ZNF385D: variants seen among roughly 807,000 people sequenced by gnomAD.
ZNF385D encodes the protein zinc finger protein 659.
In ZNF385D, 15 loss-of-function variants were observed where a neutral mutation model predicts 35.8. The observed-to-expected ratio is 0.42, with a 90% CI of 0.28 to 0.64. The LOEUF is 0.64. Ranked by LOEUF, ZNF385D falls within the 30% of genes least tolerant of loss-of-function variation. The pLI is 0.23. For missense variants in ZNF385D, 474 were observed against 494.6 expected (o/e 0.96, Z 0.39); for synonymous variants, 212 against 186.8 (o/e 1.13, Z -1.10).
intron 2 of ZNF385D, among the ~76,000 whole-genome samples, chr3:22,252,910 A>C (rs979294505): frequency 5.3e-5 from 8 of 152,092 alleles, no homozygotes; most frequent in African/African-American, 1.9e-4. Context: ...CAGGCTGAAG[A>C]GTTGATTCTT....
intron 3 of ZNF385D, among the ~76,000 whole-genome samples, chr3:21,849,255 A>G (rs1407736965): frequency 6.7e-6 from 1 of 149,784 alleles, no homozygotes. Flanking sequence ...TGCATCTTAC[A>G]TATTCAGTGT....
chr3:22,181,218 A>G (rs1008955704), intron 2 of ZNF385D, among the ~76,000 whole-genome samples: 1 of 152,058 alleles, frequency 6.6e-6, no homozygotes, highest in African/African-American at 2.4e-5. Context: ...ACGATTCAGG[A>G]TATCTTCAGG....
At position 21,415,236 on chromosome 3, in the gene ZNF385D, C is replaced by A. The variant is rs1033916187; in HGVS notation, c.*5978G>T. The A allele has an allele frequency of 2.6e-5, 4 of 152,060 alleles. No individual in the cohort carries two copies. Among genetic ancestry groups the A allele is most frequent in the African/African-American group, 9.7e-5 (4 of 41,388 alleles). The allele number at this position is 152,060 out of a possible 1,614,324, so 9.4% of individuals were successfully genotyped here. ...AATGAAGGCTCTCTCTGCTAATTTT[C>A]CGTTGTCTTGTTATACCATGTCCTG... is the stretch of plus-strand genomic sequence containing the variant. On this transcript the variant is annotated 3_prime_UTR_variant, in exon 8 of 8. Transcript: ENST00000281523.
chr3:22,364,453 T>C (rs1161222937), intron 2 of ZNF385D, among the ~76,000 whole-genome samples: 1 of 151,992 alleles, frequency 6.6e-6, no homozygotes, highest in Non-Finnish European at 1.5e-5. Flanking sequence ...TGACTAAATA[T>C]TGCTTTAAAG....
At chr3:21,565,155 T>C (rs549260523) in intron 2 of ZNF385D, among the ~76,000 whole-genome samples, 2 of 152,166 alleles carry the variant, frequency 1.3e-5, no homozygotes, top group African/African-American at 4.8e-5. Context: ...TCTTTTAGAC[T>C]CTATAATATA....
intron 3 of ZNF385D, among the ~76,000 whole-genome samples, chr3:22,012,697 C>A (rs974302576): frequency 3.3e-5 from 5 of 152,090 alleles, no homozygotes; most frequent in South Asian, 2.1e-4. Flanking sequence ...TATTTCTAGT[C>A]TTGGGAAACT....
intron 3 of ZNF385D, among the ~76,000 whole-genome samples, chr3:21,936,398 T>TG (rs1255454560): frequency 6.6e-6 from 1 of 151,906 alleles, no homozygotes; most frequent in Non-Finnish European, 1.5e-5. Context: ...AACAATTTTT[T>TG]TTTTTTGGCT....
At chr3:21,806,199 T>A (rs369623571) in intron 3 of ZNF385D, among the ~76,000 whole-genome samples, 29 of 151,830 alleles carry the variant, frequency 1.9e-4, no homozygotes, top group Admixed American at 6.6e-4. Flanking sequence ...TTTTTTTTTT[T>A]AAATTTCTTA....
At chr3:22,354,558 T>A (rs1005603232) in intron 2 of ZNF385D, among the ~76,000 whole-genome samples, 14 of 152,060 alleles carry the variant, frequency 9.2e-5, no homozygotes, top group African/African-American at 2.9e-4. Flanking sequence ...TCAATTAAAT[T>A]GAATAAATAA....
chr3:22,210,832 T>C (rs1311809005), intron 2 of ZNF385D, among the ~76,000 whole-genome samples: 1 of 151,858 alleles, frequency 6.6e-6, no homozygotes. Context: ...GGCCAAAATA[T>C]ACTCTAAGTC....
rs567800830 is a variant in ZNF385D, at chr3:22,006,854, C to A, written c.325+161963G>T. ...AAAGAGTGATAAGTAGAAACTGATA[C>A]AAAACCAACAGAGAGACATCAGAAA... On this transcript the variant is annotated intron_variant, in intron 3 of 5. Transcript: ENST00000494108. Among the ~76,000 whole-genome samples, 381 of 151,764 alleles carry A rather than the reference C, an allele frequency of 2.5e-3. 1 individual carries two copies. The highest frequency in any genetic ancestry group is 8.8e-3 in the African/African-American group (363 of 41,420).
chr3:22,271,529 G>T (rs564430868), intron 2 of ZNF385D, among the ~76,000 whole-genome samples: 1 of 151,780 alleles, frequency 6.6e-6, no homozygotes. Flanking sequence ...ATTTAATCGG[G>T]CCTCAGCTTA....
chr3:22,115,090 T>A (rs1305233977), intron 3 of ZNF385D, among the ~76,000 whole-genome samples: 1 of 152,050 alleles, frequency 6.6e-6, no homozygotes, highest in Non-Finnish European at 1.5e-5. Flanking sequence ...GGGTGTCAAC[T>A]CACTGGCACT....
At chr3:22,362,621 T>C (rs912259316) in intron 2 of ZNF385D, among the ~76,000 whole-genome samples, 1 of 152,108 alleles carries the variant, frequency 6.6e-6, no homozygotes, top group East Asian at 1.9e-4. Flanking sequence ...TTCCGACTCT[T>C]AAGGAAATTT....
At chr3:21,884,885 A>G (rs1331198571) in intron 3 of ZNF385D, among the ~76,000 whole-genome samples, 2 of 147,940 alleles carry the variant, frequency 1.4e-5, no homozygotes, top group African/African-American at 5.0e-5. Context: ...TGAAAGTATG[A>G]CCCTCAATCC....
chr3:21,871,142 G>A (rs541108252), intron 3 of ZNF385D, among the ~76,000 whole-genome samples: 3 of 152,002 alleles, frequency 2.0e-5, no homozygotes, highest in Non-Finnish European at 2.9e-5. Flanking sequence ...TGGCAGTATC[G>A]GGTCATCTCT....
intron 3 of ZNF385D, among the ~76,000 whole-genome samples, chr3:21,528,372 A>G (rs745985054): frequency 6.6e-6 from 1 of 152,182 alleles, no homozygotes; most frequent in Non-Finnish European, 1.5e-5. Flanking sequence ...CACTTCTCTC[A>G]GAGTTCACTG....
At chr3:22,181,901 G>T (rs192779519) in intron 2 of ZNF385D, among the ~76,000 whole-genome samples, 48 of 152,250 alleles carry the variant, frequency 3.2e-4, no homozygotes, top group Non-Finnish European at 6.2e-4. Context: ...TCCCTGTGAA[G>T]AGGATCATGT....
intron 3 of ZNF385D, among the ~76,000 whole-genome samples, chr3:22,117,989 A>C (rs1702895045): frequency 6.6e-6 from 1 of 152,092 alleles, no homozygotes; most frequent in Non-Finnish European, 1.5e-5. Flanking sequence ...AGTCAACTTA[A>C]AAAGGGTCAA....
Sources: gnomAD v4.1 joint callset for allele counts (sites outside exome capture counted in the v4.1 genomes callset) on GRCh38, gnomAD v4.1.1 for gene constraint, MANE v1.5 for transcripts, NCBI Gene and HGNC (gene_info 2026-07-23, HGNC 2026-07-21) for gene names.